The following SOX5 variants were observed in gnomAD, a reference collection of about 807,000 sequenced individuals.
The protein encoded by SOX5 is transcription factor SOX-5.
SOX5 carries 9 observed loss-of-function variants against 92.0 expected under a neutral mutation model. The ratio of observed to expected loss-of-function variants is 0.10; its 90% CI spans 0.06 to 0.17. SOX5 has a LOEUF of 0.17. Ranked by LOEUF, SOX5 falls within the 10% of genes least tolerant of loss-of-function variation. The pLI, the probability that SOX5 is intolerant of heterozygous loss-of-function variation, is 1.00. For missense variants in SOX5, 642 were observed against 944.5 expected (o/e 0.68, Z 4.20); for synonymous variants, 344 against 336.3 (o/e 1.02, Z -0.25).
chr12:23,898,113 T>C (rs1186886134), intron 1 of SOX5, among the ~76,000 whole-genome samples: 1 of 152,234 alleles, frequency 6.6e-6, no homozygotes, highest in Non-Finnish European at 1.5e-5. Context: ...TTCGATGTTC[T>C]ACAGGCAAAC....
chr12:23,784,562 G>A (rs367634830), intron 3 of SOX5, among the ~76,000 whole-genome samples: 1 of 152,232 alleles, frequency 6.6e-6, no homozygotes, highest in Non-Finnish European at 1.5e-5. Flanking sequence ...TCTTGACCTC[G>A]TGATCCGCCT....
intron 1 of SOX5, among the ~76,000 whole-genome samples, chr12:24,385,168 G>C (rs535424112): frequency 1.3e-5 from 2 of 152,126 alleles, no homozygotes; most frequent in African/African-American, 2.4e-5. Flanking sequence ...GTATATGTAA[G>C]AGAAAACACA....
intron 2 of SOX5, among the ~76,000 whole-genome samples, chr12:24,332,637 G>A (rs75384446): frequency 0.06 from 9,175 of 151,978 alleles, 338 homozygotes; most frequent in Non-Finnish European, 0.086. Flanking sequence ...GAAAAGGAAG[G>A]CAGAAAGTAT....
chr12:23,889,103 G>A (rs1399820138), intron 2 of SOX5, among the ~76,000 whole-genome samples: 3 of 151,990 alleles, frequency 2.0e-5, no homozygotes, highest in Non-Finnish European at 4.4e-5. Flanking sequence ...ATTCCACATC[G>A]TTCAAAAGTA....
chr12:23,731,008 G>A (rs2140844135), intron 6 of SOX5, among the ~76,000 whole-genome samples: 1 of 152,278 alleles, frequency 6.6e-6, no homozygotes, highest in Admixed American at 6.5e-5. Flanking sequence ...CTCAATGTGG[G>A]CAGGCACCTT....
At chr12:23,865,623 C>T (rs1038657005) in intron 2 of SOX5, among the ~76,000 whole-genome samples, 1 of 151,270 alleles carries the variant, frequency 6.6e-6, no homozygotes, top group South Asian at 2.1e-4. Context: ...TGCAGTGAGC[C>T]GAGATCACAC....
intron 13 of SOX5, 63 bp downstream of exon 13, chr12:23,543,148 A>G: frequency 7.2e-7 from 1 of 1,388,342 alleles, no homozygotes. Flanking sequence ...TCCTTCCACA[A>G]CTGCAGAAAA....
chr12:23,770,686 C>T (rs4293213), intron 3 of SOX5, among the ~76,000 whole-genome samples: 74,000 of 151,880 alleles, frequency 0.49, 18,259 homozygotes, highest in South Asian at 0.54. Context: ...ACTGTCATCC[C>T]ATCAGTAAGC....
At chr12:24,397,302 T>A (rs573471562) in intron 1 of SOX5, among the ~76,000 whole-genome samples, 3 of 152,184 alleles carry the variant, frequency 2.0e-5, no homozygotes, top group Non-Finnish European at 4.4e-5. Context: ...CCTGGTTAAA[T>A]GAAAGACTCG....
intron 3 of SOX5, among the ~76,000 whole-genome samples, chr12:24,242,847 ATTCTAC>A (rs3983417): frequency 0.099 from 15,038 of 152,156 alleles, 907 homozygotes; most frequent in Admixed American, 0.16. Flanking sequence ...TAGCCCAGCA[ATTCTAC>A]TTCTAGTAAT....
At chr12:23,657,734 C>T (rs11047030) in intron 7 of SOX5, among the ~76,000 whole-genome samples, 55,508 of 151,994 alleles carry the variant, frequency 0.37, 10,263 homozygotes, top group African/African-American at 0.4. Context: ...CTATGACAAA[C>T]TCATATGGTA....
At chr12:24,330,401 T>C (rs183180485) in intron 2 of SOX5, among the ~76,000 whole-genome samples, 6 of 152,270 alleles carry the variant, frequency 3.9e-5, no homozygotes, top group East Asian at 1.9e-4. Flanking sequence ...TCTGGGCCCA[T>C]GGACAGGATG....
At chr12:24,300,306 T>C (rs910338072) in intron 2 of SOX5, among the ~76,000 whole-genome samples, 1 of 152,212 alleles carries the variant, frequency 6.6e-6, no homozygotes, top group Non-Finnish European at 1.5e-5. Context: ...AATTCAGCTA[T>C]ATCTGCATTA....
intron 3 of SOX5, among the ~76,000 whole-genome samples, chr12:23,795,256 T>A (rs2095542168): frequency 6.6e-6 from 1 of 151,150 alleles, no homozygotes; most frequent in Admixed American, 6.6e-5. Context: ...CAAAATGGAA[T>A]CTTTTACCAT....
At chr12:23,597,203 T>C (rs900932487) in intron 9 of SOX5, among the ~76,000 whole-genome samples, 10 of 152,232 alleles carry the variant, frequency 6.6e-5, no homozygotes, top group African/African-American at 2.4e-4. Context: ...AAAATCAGTA[T>C]ACTGGGATAC....
chr12:24,560,307 C>G (rs898677836), intron 1 of SOX5, among the ~76,000 whole-genome samples: 4 of 152,196 alleles, frequency 2.6e-5, no homozygotes, highest in Non-Finnish European at 4.4e-5. Flanking sequence ...GATGAAAGAT[C>G]TACCTTTTAG....
At chr12:24,401,355 G>GAA (rs1566076321) in intron 1 of SOX5, among the ~76,000 whole-genome samples, 2 of 70,528 alleles carry the variant, frequency 2.8e-5, no homozygotes, top group Admixed American at 1.4e-4. Flanking sequence ...CCATCTCAGG[G>GAA]GAAAAAAAAA....
intron 11 of SOX5, among the ~76,000 whole-genome samples, chr12:23,551,418 T>C (rs949605849): frequency 1.3e-5 from 2 of 151,902 alleles, no homozygotes; most frequent in Non-Finnish European, 2.9e-5. Context: ...AAAATAATCA[T>C]CTACCCACAT....
In SOX5 at chr12:24,542,428, C is replaced by T. The variant is rs187782260; in HGVS notation, c.-251+19901G>A. Among the ~76,000 whole-genome samples the T allele has an allele frequency of 2.4e-3, 369 of 152,326 alleles. 2 individuals are homozygous for T. Among genetic ancestry groups the T allele is most frequent in the African/African-American group, 7.2e-3 (300 of 41,566 alleles). On this transcript the variant is annotated intron_variant, in intron 1 of 4. Transcript: ENST00000446891. ...CTGTACTTTTCCTCGATAATACACT[C>T]GATAGCACTTATCACTATACATATT...
Sources: gnomAD v4.1 joint callset for allele counts (sites outside exome capture counted in the v4.1 genomes callset) on GRCh38, gnomAD v4.1.1 for gene constraint, MANE v1.5 for transcripts, NCBI Gene and HGNC (gene_info 2026-07-23, HGNC 2026-07-21) for gene names.